The following UHRF2 variants were observed in gnomAD, a reference collection of about 807,000 sequenced individuals.
UHRF2 encodes the protein E3 ubiquitin-protein ligase UHRF2.
UHRF2 carries 23 observed loss-of-function variants against 96.8 expected under a neutral mutation model. That is an observed-to-expected ratio of 0.24 (90% CI 0.17 to 0.34). The LOEUF (loss-of-function observed/expected upper bound fraction) is 0.34. Ranked by LOEUF, UHRF2 falls within the 10% of genes least tolerant of loss-of-function variation. The probability of loss-of-function intolerance (pLI) is 1.00; values close to 1 mark genes in which losing one functional copy is unlikely to be tolerated. For missense variants in UHRF2, 685 were observed against 981.5 expected (o/e 0.70, Z 4.04); for synonymous variants, 385 against 332.6 (o/e 1.16, Z -1.72).
At position 6,428,287 on chromosome 9, in the gene UHRF2, A is replaced by T. The variant is rs1045203844; in HGVS notation, c.385-5627A>T. On this transcript the variant is annotated intron_variant, in intron 2 of 15. Coordinates refer to ENST00000276893, the MANE Select transcript of UHRF2 (RefSeq NM_152896.3). ...GATCACTGTCTATAAACACCATCCA[A>T]GTTATGAAATAGAATAACAATACTC... Among the ~76,000 whole-genome samples the T allele has an allele frequency of 2.0e-5, 3 of 152,288 alleles. No individual in the cohort carries two copies. In the South Asian group the frequency reaches 6.2e-4, roughly 32 times the overall value.
At position 6,428,533 on chromosome 9, in the gene UHRF2, C is replaced by CTTTTTTTTTTTTTTTTT. The variant is rs1171172143; in HGVS notation, c.385-5359_385-5343dup. 5.2e-4 allele frequency among the ~76,000 whole-genome samples: 34 copies of CTTTTTTTTTTTTTTTTT among 65,420 alleles called. 4 individuals are homozygous for CTTTTTTTTTTTTTTTTT. Among genetic ancestry groups the CTTTTTTTTTTTTTTTTT allele is most frequent in the East Asian group, 1.2e-3 (2 of 1,670 alleles). The allele number at this position is 65,420 out of a possible 152,430, so 42.9% of individuals were successfully genotyped here. A position where few individuals can be genotyped will look rare whatever the true frequency, so the allele number is the denominator to read the frequency against. On this transcript the variant is annotated intron_variant, in intron 2 of 15. Transcript: ENST00000276893. ...TGTAAATGGAACCATATTGCTTTTG[C>CTTTTTTTTTTTTTTTTT]TTTTTTTTTTTTTTTTTTTTTTTTT... is the stretch of plus-strand genomic sequence containing the variant.
chr9:6,427,559 C>T (rs1054317718), intron 2 of UHRF2, among the ~76,000 whole-genome samples: 6 of 152,020 alleles, frequency 3.9e-5, no homozygotes, highest in Non-Finnish European at 7.4e-5. Context: ...TGGTGGCGTA[C>T]GACTAATCCC....
chr9:6,421,652 G>A (rs966908186), intron 2 of UHRF2, among the ~76,000 whole-genome samples: 2 of 151,948 alleles, frequency 1.3e-5, no homozygotes, highest in African/African-American at 4.8e-5. Flanking sequence ...CCTGACCTCA[G>A]GTGGTCCGCC....
chr9:6,456,796 TC>T (rs1322804040), intron 3 of UHRF2, among the ~76,000 whole-genome samples: 1 of 152,222 alleles, frequency 6.6e-6, no homozygotes, highest in Non-Finnish European at 1.5e-5. Flanking sequence ...GGGAATCCTT[TC>T]CCCATTTCTT....
intron 12 of UHRF2, chr9:6,499,560 A>T (rs1825155397): frequency 4.9e-6 from 1 of 204,834 alleles, no homozygotes; most frequent in South Asian, 1.5e-4. Flanking sequence ...TCTAATCACA[A>T]CTCCTGAAGA....
At position 6,421,032 on chromosome 9, in the gene UHRF2, T is replaced by C; in HGVS notation, c.274T>C (p.Cys92Arg). 6.2e-7 allele frequency: 1 copy of C among 1,614,196 alleles called. No individual in the cohort carries two copies. The highest frequency in any genetic ancestry group is 8.5e-7 in the Non-Finnish European group (1 of 1,180,032). The change falls in exon 2 of 16, where the codon TGT becomes CGT. Residue 92 changes from cysteine to arginine, a missense_variant. Coordinates refer to ENST00000276893, the MANE Select transcript of UHRF2 (RefSeq NM_152896.3). ...ATCTACACAGATTGAGGCTAAACCC[T>C]GTTCTAATAGTCCACCTAAAGTAAA... ...GTSTQIEAKPCSNSPPKVKKA... is the reference protein window; with the variant it reads ...GTSTQIEAKPRSNSPPKVKKA...
At chr9:6,499,510 C>T in intron 12 of UHRF2, 1 of 163,980 alleles carries the variant, frequency 6.1e-6, no homozygotes, top group Non-Finnish European at 1.3e-5. Context: ...TCTCATTTAC[C>T]TTCATTTCTG....
intron 5 of UHRF2, 62 bp from the exon 6 acceptor site, chr9:6,477,560 T>G: frequency 8.2e-4 from 1,174 of 1,433,908 alleles, no homozygotes; most frequent in Non-Finnish European, 1.0e-3. Flanking sequence ...CTTTTCTTTA[T>G]GAGATTCATA....
intron 6 of UHRF2, among the ~76,000 whole-genome samples, chr9:6,479,838 A>G (rs1301789077): frequency 6.6e-6 from 1 of 152,090 alleles, no homozygotes; most frequent in Non-Finnish European, 1.5e-5. Context: ...ACAGTTCTTA[A>G]TATTTCTCCA....
rs796162012 is a variant in UHRF2 at position 6,437,110 on chromosome 9, A to G, written c.644+2937A>G. Among the ~76,000 whole-genome samples the G allele has an allele frequency of 2.0e-5, 3 of 152,240 alleles. No individual in the cohort carries two copies. In the South Asian group the frequency reaches 6.2e-4, roughly 32 times the overall value. Reference sequence around the variant, plus strand: ...TTCTTTGTGATCATTAGAAAAATGAATTATAAAATATAATGAAGTACATGT... The same window carrying G: ...TTCTTTGTGATCATTAGAAAAATGAGTTATAAAATATAATGAAGTACATGT... On this transcript the variant is annotated intron_variant, in intron 3 of 15. Coordinates refer to ENST00000276893, the MANE Select transcript of UHRF2 (RefSeq NM_152896.3).
At chr9:6,430,409 C>A (rs560459569) in intron 2 of UHRF2, among the ~76,000 whole-genome samples, 21 of 152,136 alleles carry the variant, frequency 1.4e-4, no homozygotes, top group African/African-American at 2.4e-4. Flanking sequence ...TTCAACTCCT[C>A]TCCTCCCCAT....
At chr9:6,444,721 G>A (rs999057122) in intron 3 of UHRF2, among the ~76,000 whole-genome samples, 1 of 152,094 alleles carries the variant, frequency 6.6e-6, no homozygotes, top group African/African-American at 2.4e-5. Context: ...TCCTGCCTCT[G>A]CCTCCCAAGT....
intron 9 of UHRF2, among the ~76,000 whole-genome samples, chr9:6,493,537 C>T (rs1193524080): frequency 6.6e-6 from 1 of 152,060 alleles, no homozygotes; most frequent in Non-Finnish European, 1.5e-5. Flanking sequence ...TAAGACCTTA[C>T]CTTGTTTGTA....
chr9:6,431,982 C>G (rs543232074), intron 2 of UHRF2, among the ~76,000 whole-genome samples: 2 of 152,266 alleles, frequency 1.3e-5, no homozygotes, highest in South Asian at 4.1e-4. Flanking sequence ...AGTTTATTCT[C>G]CCAAGTATGA....
At chr9:6,479,591 C>T (rs1823802325) in intron 6 of UHRF2, among the ~76,000 whole-genome samples, 1 of 152,086 alleles carries the variant, frequency 6.6e-6, no homozygotes. Flanking sequence ...GAATTTATGT[C>T]TTCATATCTA....
intron 3 of UHRF2, among the ~76,000 whole-genome samples, chr9:6,459,868 G>T (rs1377643820): frequency 6.6e-6 from 1 of 152,204 alleles, no homozygotes; most frequent in African/African-American, 2.4e-5. Context: ...AGCTACTCAG[G>T]CAGCTCAGGC....
chr9:6,427,078 T>G (rs1820304041), intron 2 of UHRF2, among the ~76,000 whole-genome samples: 1 of 152,096 alleles, frequency 6.6e-6, no homozygotes, highest in Non-Finnish European at 1.5e-5. Context: ...TTGCATTGGG[T>G]TTTTTGTATT....
intron 2 of UHRF2, among the ~76,000 whole-genome samples, chr9:6,432,259 T>C (rs1156353272): frequency 6.6e-6 from 1 of 152,222 alleles, no homozygotes; most frequent in African/African-American, 2.4e-5. Flanking sequence ...TGCTACCATG[T>C]TCATTACATA....
chr9:6,470,990 TA>T (rs1289252330), intron 4 of UHRF2, among the ~76,000 whole-genome samples: 1 of 151,980 alleles, frequency 6.6e-6, no homozygotes, highest in Non-Finnish European at 1.5e-5. Flanking sequence ...TAGATTAAAA[TA>T]AAAAAATCCA....
Sources: allele counts gnomAD v4.1 joint callset (sites outside exome capture counted in the v4.1 genomes callset), GRCh38; gene constraint gnomAD v4.1.1; transcripts MANE v1.5; gene names NCBI Gene and HGNC (gene_info 2026-07-23, HGNC 2026-07-21).